TESMIN: variants seen among roughly 807,000 people sequenced by gnomAD.
The protein encoded by TESMIN is testis expressed metallothionein like protein.
A neutral mutation model predicts 47.4 loss-of-function variants in TESMIN; 34 were observed. The ratio of observed to expected loss-of-function variants is 0.72; its 90% CI spans 0.55 to 0.96. The LOEUF is 0.96. TESMIN is among the 40% of genes least tolerant of loss of function. TESMIN has a pLI of 0.00. For synonymous variants in TESMIN, 278 were observed against 258.9 expected, an observed-to-expected ratio of 1.07 and a Z score of -0.71; for missense variants, 610 against 637.2, an observed-to-expected ratio of 0.96 and a Z score of 0.46.
intron 6 of TESMIN, among the ~76,000 whole-genome samples, chr11:68,735,671 C>CA (rs1247732697): frequency 6.6e-6 from 1 of 152,138 alleles, no homozygotes; most frequent in African/African-American, 2.4e-5. Context: ...CACATGGTGC[C>CA]ATATTGACTG....
At chr11:68,718,840 A>G (rs1442334646) in intron 6 of TESMIN, among the ~76,000 whole-genome samples, 1 of 152,236 alleles carries the variant, frequency 6.6e-6, no homozygotes, top group African/African-American at 2.4e-5. Context: ...AAGTCCAAAG[A>G]AAAACCATTT....
At chr11:68,729,446 A>G (rs1182696816) in intron 6 of TESMIN, among the ~76,000 whole-genome samples, 1 of 151,796 alleles carries the variant, frequency 6.6e-6, no homozygotes, top group East Asian at 1.9e-4. Flanking sequence ...AATGGCTTGA[A>G]CCTGGGAGGT....
intron 2 of TESMIN, among the ~76,000 whole-genome samples, chr11:68,748,359 T>C (rs534056477): frequency 6.6e-6 from 1 of 152,390 alleles, no homozygotes; most frequent in Admixed American, 6.5e-5. Flanking sequence ...ATATTTTAAG[T>C]AGCTTTATTT....
At chr11:68,729,653 T>G (rs1946305200) in intron 6 of TESMIN, among the ~76,000 whole-genome samples, 1 of 152,094 alleles carries the variant, frequency 6.6e-6, no homozygotes, top group African/African-American at 2.4e-5. Context: ...CCTGAAGATG[T>G]GACTGAATTG....
At chr11:68,722,349 G>T (rs568720540) in intron 6 of TESMIN, among the ~76,000 whole-genome samples, 88 of 152,284 alleles carry the variant, frequency 5.8e-4, no homozygotes, top group African/African-American at 2.1e-3. Context: ...GATGGTGGTT[G>T]CGCAACACTG....
chr11:68,737,113 GT>G, intron 6 of TESMIN: 2 of 985,412 alleles, frequency 2.0e-6, no homozygotes, highest in African/African-American at 3.5e-5. Flanking sequence ...AGATCATCCT[GT>G]GTAATGTATC....
chr11:68,742,530 C>T (rs1371770800), intron 4 of TESMIN, 136 bp from the exon 5 acceptor site: 1 of 543,328 alleles, frequency 1.8e-6, no homozygotes, highest in African/African-American at 1.9e-5. Context: ...GCTAGTTACG[C>T]ATTTTATTCT....
chr11:68,747,076 G>A (rs977963900), intron 3 of TESMIN, 132 bp downstream of exon 3: 1 of 986,818 alleles, frequency 1.0e-6, no homozygotes, highest in East Asian at 2.5e-5. Context: ...TTTTGCTAAT[G>A]AGACAACCAA....
chr11:68,723,175 A>G (rs1413493781), intron 6 of TESMIN, among the ~76,000 whole-genome samples: 2 of 152,172 alleles, frequency 1.3e-5, no homozygotes, highest in Non-Finnish European at 2.9e-5. Flanking sequence ...TTAATTTCAA[A>G]GAATTGACGT....
chr11:68,736,288 T>C, intron 6 of TESMIN: 1 of 985,418 alleles, frequency 1.0e-6, no homozygotes, highest in East Asian at 1.1e-4. Flanking sequence ...TTTTTATTAA[T>C]ATGATAAGCT....
intron 6 of TESMIN, among the ~76,000 whole-genome samples, chr11:68,727,511 T>G (rs566479588): frequency 6.6e-6 from 1 of 152,192 alleles, no homozygotes; most frequent in African/African-American, 2.4e-5. Flanking sequence ...ATAAAACCAA[T>G]TCCTGCTTTT....
downstream of TESMIN, among the ~76,000 whole-genome samples, chr11:68,706,871 G>A (rs1946003289): frequency 6.6e-6 from 1 of 152,206 alleles, no homozygotes; most frequent in Non-Finnish European, 1.5e-5. Flanking sequence ...GAGAGGGACA[G>A]CAGGATGGAG....
At chr11:68,743,669 C>T (rs10896363) in intron 4 of TESMIN, among the ~76,000 whole-genome samples, 95,058 of 152,000 alleles carry the variant, frequency 0.63, 30,630 homozygotes, top group East Asian at 0.78. Flanking sequence ...CTTATTTGGT[C>T]TACAAGTGCC....
chr11:68,719,515 T>C (rs1046967226), intron 6 of TESMIN, among the ~76,000 whole-genome samples: 7 of 152,100 alleles, frequency 4.6e-5, no homozygotes, highest in Admixed American at 6.5e-5. Context: ...AAACAATAGA[T>C]CACACCAAAC....
intron 1 of TESMIN, among the ~76,000 whole-genome samples, 148 bp downstream of exon 1, chr11:68,751,257 GGGCCAGGTGAGGTGC>G (rs1163918779): frequency 7.0e-6 from 1 of 143,584 alleles, no homozygotes; most frequent in East Asian, 2.1e-4. Flanking sequence ...AGGGGAGGGG[GGGCCAGGTGAGGTGC>G]GACCAGGTGA....
downstream of TESMIN, among the ~76,000 whole-genome samples, chr11:68,705,633 T>TG: frequency 6.6e-6 from 1 of 152,230 alleles, no homozygotes; most frequent in Non-Finnish European, 1.5e-5. Context: ...AGGTTTTTTT[T>TG]TCTTTCGGAT....
At chr11:68,715,611 C>G (rs912030122) in intron 7 of TESMIN, among the ~76,000 whole-genome samples, 1 of 152,150 alleles carries the variant, frequency 6.6e-6, no homozygotes, top group Non-Finnish European at 1.5e-5. Flanking sequence ...ATCTCTGAAG[C>G]CTTCCCACAT....
At chr11:68,738,335 C>A in intron 6 of TESMIN, 1 of 1,018,472 alleles carries the variant, frequency 9.8e-7, no homozygotes, top group Non-Finnish European at 1.2e-6. Context: ...GCATGGCTGC[C>A]ACACCATTAT....
At chr11:68,712,355 G>C (rs1170086267) in intron 8 of TESMIN, among the ~76,000 whole-genome samples, 1 of 152,206 alleles carries the variant, frequency 6.6e-6, no homozygotes, top group Non-Finnish European at 1.5e-5. Context: ...ATCCGAGCTG[G>C]GGAGTGTGGG....
Sources: gnomAD v4.1 joint callset for allele counts (sites outside exome capture counted in the v4.1 genomes callset) on GRCh38, gnomAD v4.1.1 for gene constraint, MANE v1.5 for transcripts, NCBI Gene and HGNC (gene_info 2026-07-23, HGNC 2026-07-21) for gene names.